The following STYX variants were observed in gnomAD, a reference collection of about 807,000 sequenced individuals.
STYX encodes serine/threonine/tyrosine-interacting protein.
STYX carries 20 observed loss-of-function variants against 42.7 expected under a neutral mutation model. The ratio of observed to expected loss-of-function variants is 0.47; its 90% CI spans 0.33 to 0.68. The LOEUF is 0.68. STYX is among the 30% of genes least tolerant of loss of function. The probability of loss-of-function intolerance (pLI) is 0.02; values close to 1 mark genes in which losing one functional copy is unlikely to be tolerated. For missense variants in STYX, 226 were observed against 268.5 expected (o/e 0.84, Z 1.11); for synonymous variants, 78 against 81.9 (o/e 0.95, Z 0.26).
At chr14:52,744,303 T>C (rs1881312417) in intron 1 of STYX, among the ~76,000 whole-genome samples, 1 of 152,224 alleles carries the variant, frequency 6.6e-6, no homozygotes, top group Admixed American at 6.5e-5. Flanking sequence ...ATAATTGAAC[T>C]AGACAAGAAT....
intron 10 of STYX, among the ~76,000 whole-genome samples, chr14:52,769,142 T>C (rs750028824): frequency 1.7e-4 from 26 of 152,258 alleles, no homozygotes; most frequent in Non-Finnish European, 7.4e-5. Flanking sequence ...GTTGTAAAGA[T>C]TAAAATAATA....
At chr14:52,733,172 C>G (rs1372937400) in intron 1 of STYX, among the ~76,000 whole-genome samples, 1 of 152,176 alleles carries the variant, frequency 6.6e-6, no homozygotes, top group East Asian at 1.9e-4. Flanking sequence ...TAATACACTT[C>G]AATTCTTCCC....
chr14:52,757,301 C>T lies in STYX; in HGVS notation c.304-18C>T. ...TTTATTTTATGCTTACATTAATCCACATGTCTTTTGCCTCCAGACTAAGGA... is the reference window on the plus strand; with the variant it reads ...TTTATTTTATGCTTACATTAATCCATATGTCTTTTGCCTCCAGACTAAGGA... On this transcript the variant is annotated intron_variant, in intron 5 of 10. Coordinates refer to ENST00000354586, the MANE Select transcript of STYX (RefSeq NM_145251.4). The T allele has an allele frequency of 1.3e-6, 2 of 1,596,466 alleles. No homozygotes were observed. Among genetic ancestry groups the T allele is most frequent in the South Asian group, 1.1e-5 (1 of 87,886 alleles).
At chr14:52,746,316 T>C (rs1204548699) in intron 2 of STYX, 110 bp from the exon 3 acceptor site, 3 of 696,464 alleles carry the variant, frequency 4.3e-6, no homozygotes, top group African/African-American at 1.9e-5. Flanking sequence ...GTTCCAATCT[T>C]GTTGTATCTT....
chr14:52,770,776 C>T (rs1882480332), intron 10 of STYX, among the ~76,000 whole-genome samples: 2 of 151,974 alleles, frequency 1.3e-5, no homozygotes, highest in Admixed American at 1.3e-4. Context: ...TATTTTCACA[C>T]TATTTCAAAA....
Position 52,771,067 on chromosome 14 carries a change from T to G in STYX, c.633T>G (p.Asp211Glu), listed in dbSNP as rs752506776. 1 of 1,612,816 alleles carries G rather than the reference T, an allele frequency of 6.2e-7. No individual in the cohort carries two copies. The highest frequency in any genetic ancestry group is 1.1e-5 in the South Asian group (1 of 90,966). The change falls in exon 11 of 11, where the codon GAT (aspartate) becomes GAG (glutamate). Residue 211 changes from aspartate to glutamate, a missense_variant. By Grantham distance (45) the Asp-to-Glu change is conservative. Transcript: ENST00000354586. ...AGAGAACACATGAAGAAGAGGATGA[T>G]TTTGGAACCATGCAAGTGGCGACTG... ...SLKRTHEEED[D>E]FGTMQVATAQ...
intron 3 of STYX, among the ~76,000 whole-genome samples, chr14:52,748,093 A>G (rs1415728262): frequency 1.3e-5 from 2 of 152,222 alleles, no homozygotes; most frequent in African/African-American, 4.8e-5. Flanking sequence ...CCTCTGTGGC[A>G]GTTTATTTCC....
At chr14:52,750,370 A>G (rs1407053608) in intron 3 of STYX, among the ~76,000 whole-genome samples, 1 of 152,158 alleles carries the variant, frequency 6.6e-6, no homozygotes, top group Non-Finnish European at 1.5e-5. Flanking sequence ...ATTAACTACC[A>G]TTTATTAAAC....
At chr14:52,734,684 C>A (rs1434855862) in intron 1 of STYX, among the ~76,000 whole-genome samples, 1 of 152,166 alleles carries the variant, frequency 6.6e-6, no homozygotes, top group African/African-American at 2.4e-5. Context: ...CTGCTGAAAG[C>A]CAATTCGTTC....
chr14:52,739,947 ACT>A (rs948619305), intron 1 of STYX, among the ~76,000 whole-genome samples: 1 of 151,390 alleles, frequency 6.6e-6, no homozygotes, highest in Non-Finnish European at 1.5e-5. Context: ...TGGCTAAAAA[ACT>A]CATATATAAA....
intron 1 of STYX, among the ~76,000 whole-genome samples, chr14:52,732,030 C>G (rs1880728826): frequency 6.7e-6 from 1 of 150,184 alleles, no homozygotes; most frequent in African/African-American, 2.5e-5. Flanking sequence ...CCGCCTTGTC[C>G]TCCGAAAGTG....
At chr14:52,743,625 C>T (rs1881282207) in intron 1 of STYX, among the ~76,000 whole-genome samples, 1 of 152,078 alleles carries the variant, frequency 6.6e-6, no homozygotes, top group African/African-American at 2.4e-5. Flanking sequence ...CTTAGAGAAT[C>T]TGGGTGAAGG....
At chr14:52,744,795 T>G in intron 1 of STYX, 57 bp from the exon 2 acceptor site, 1 of 1,542,976 alleles carries the variant, frequency 6.5e-7, no homozygotes, top group Non-Finnish European at 8.9e-7. Context: ...TCTTTAGCCT[T>G]TAATTGGGTG....
chr14:52,738,624 G>A (rs1881057208), intron 1 of STYX, among the ~76,000 whole-genome samples: 1 of 152,182 alleles, frequency 6.6e-6, no homozygotes, highest in Non-Finnish European at 1.5e-5. Context: ...TTGAGGAAAT[G>A]CCACTCCAAA....
chr14:52,765,317 C>G (rs1257276611), intron 9 of STYX, among the ~76,000 whole-genome samples: 1 of 152,098 alleles, frequency 6.6e-6, no homozygotes, highest in Non-Finnish European at 1.5e-5. Flanking sequence ...CTCCCGAGTT[C>G]AAGTGATTCT....
chr14:52,743,744 C>G (rs1348419827), intron 1 of STYX, among the ~76,000 whole-genome samples: 2 of 152,104 alleles, frequency 1.3e-5, no homozygotes, highest in African/African-American at 4.8e-5. Flanking sequence ...AACCTAATTA[C>G]TAATAATAAT....
At chr14:52,737,771 A>G (rs191899423) in intron 1 of STYX, among the ~76,000 whole-genome samples, 1 of 152,234 alleles carries the variant, frequency 6.6e-6, no homozygotes, top group Admixed American at 6.5e-5. Context: ...CTTGGTTAGT[A>G]AGATCCATAG....
At chr14:52,757,593 T>G in intron 6 of STYX, 150 bp from the exon 7 acceptor site, 1 of 801,176 alleles carries the variant, frequency 1.2e-6, no homozygotes, top group Non-Finnish European at 2.0e-6. Flanking sequence ...TCTGCTATAT[T>G]CTCTACACAG....
Position 52,757,394 on chromosome 14 carries a change from T to G in STYX, c.340+39T>G. On this transcript the variant is annotated intron_variant, in intron 6 of 10. Coordinates refer to ENST00000354586, the MANE Select transcript of STYX (RefSeq NM_145251.4). ...CCTTTCCTTAACTAATGTTTATATT[T>G]TGATTATTTGTTAATTTTTTAGTTG... is the stretch of plus-strand genomic sequence containing the variant. 4 of 1,536,852 alleles carry G rather than the reference T, an allele frequency of 2.6e-6. No homozygotes were observed. The African/African-American group carries it at 4.1e-5, about 16-fold the overall frequency.
Sources: gnomAD v4.1 joint callset for allele counts (sites outside exome capture counted in the v4.1 genomes callset) on GRCh38, gnomAD v4.1.1 for gene constraint, MANE v1.5 for transcripts, NCBI Gene and HGNC (gene_info 2026-07-23, HGNC 2026-07-21) for gene names.